The following FOXJ3 variants were observed in gnomAD, a reference collection of about 807,000 sequenced individuals.
FOXJ3 encodes the protein forkhead box J3, also known as forkhead box protein J3.
FOXJ3 carries 22 observed loss-of-function variants against 76.1 expected under a neutral mutation model. That is an observed-to-expected ratio of 0.29 (90% CI 0.21 to 0.41). The LOEUF (loss-of-function observed/expected upper bound fraction) is 0.41, where lower values mean the gene tolerates loss of function less well. Among genes scored for constraint, FOXJ3 ranks in the 10% least tolerant of loss-of-function variants. The pLI is 1.00. For synonymous variants in FOXJ3, 269 were observed against 261.2 expected, an observed-to-expected ratio of 1.03 and a Z score of -0.29; for missense variants, 613 against 762.1, an observed-to-expected ratio of 0.80 and a Z score of 2.30.
At position 42,176,928 on chromosome 1, in the gene FOXJ3, A is replaced by G. The variant is rs981493556; in HGVS notation, c.*2782T>C. On this transcript the variant is annotated 3_prime_UTR_variant, in exon 13 of 13. Transcript: ENST00000361346. ...GACATCTGAGCGACACGTATTTACA[A>G]GAACACACATGAATACATTTACATT... The G allele has an allele frequency of 3.9e-5, 6 of 152,694 alleles. No individual in the cohort carries two copies. The highest frequency in any genetic ancestry group is 7.3e-5 in the Non-Finnish European group (5 of 68,052). The allele number at this position is 152,694 out of a possible 1,614,324, so 9.5% of individuals were successfully genotyped here. A position where few individuals can be genotyped will look rare whatever the true frequency, so the allele number is the denominator to read the frequency against.
intron 5 of FOXJ3, among the ~76,000 whole-genome samples, chr1:42,222,112 T>TA (rs1382469563): frequency 8.7e-6 from 1 of 115,234 alleles, no homozygotes; most frequent in Non-Finnish European, 1.8e-5. Context: ...GAAGAAGAAA[T>TA]AAAAAGTTGA....
chr1:42,331,790 A>ACT (rs754731665), intron 1 of FOXJ3, among the ~76,000 whole-genome samples: 10 of 151,820 alleles, frequency 6.6e-5, no homozygotes, highest in Non-Finnish European at 1.2e-4. Flanking sequence ...AAATGTGTGA[A>ACT]TGAAATGGTA....
intron 6 of FOXJ3, among the ~76,000 whole-genome samples, chr1:42,204,837 T>C (rs980372119): frequency 2.0e-5 from 3 of 152,038 alleles, no homozygotes; most frequent in Admixed American, 1.3e-4. Context: ...GAAATCTGAA[T>C]ATGTCACTCT....
Position 42,316,333 on chromosome 1 carries a change from C to CTTTTTTTTT in FOXJ3, c.-17-5232_-17-5224dup, listed in dbSNP as rs71065173. ...ACAGGTGCACACCACTGCATTGGGC[C>CTTTTTTTTT]TTTTTTTTTTTTTTTTCTGTAGAAA... On this transcript the variant is annotated intron_variant, in intron 1 of 12. Coordinates refer to ENST00000361346, the MANE Select transcript of FOXJ3 (RefSeq NM_014947.5). Among the ~76,000 whole-genome samples the CTTTTTTTTT allele has an allele frequency of 2.4e-4, 18 of 73,908 alleles. 4 individuals carry two copies. The highest frequency in any genetic ancestry group is 9.7e-4 in the South Asian group (2 of 2,072). 48.5% of individuals were successfully genotyped at this position (73,908 alleles called of 152,430 possible). A position where few individuals can be genotyped will look rare whatever the true frequency, so the allele number is the denominator to read the frequency against.
At chr1:42,286,673 C>T (rs1168381288) in intron 2 of FOXJ3, among the ~76,000 whole-genome samples, 1 of 152,090 alleles carries the variant, frequency 6.6e-6, no homozygotes, top group African/African-American at 2.4e-5. Flanking sequence ...TCACTCCTGT[C>T]GCCCAGGCTG....
At chr1:42,195,316 A>G (rs1447812952) in intron 7 of FOXJ3, among the ~76,000 whole-genome samples, 2 of 152,238 alleles carry the variant, frequency 1.3e-5, no homozygotes, top group Non-Finnish European at 2.9e-5. Flanking sequence ...AAGAAGTTAG[A>G]TAACTTGCCT....
chr1:42,270,457 A>C (rs1431881347), intron 3 of FOXJ3, among the ~76,000 whole-genome samples: 1 of 152,200 alleles, frequency 6.6e-6, no homozygotes, highest in Non-Finnish European at 1.5e-5. Context: ...TTGGAAAAAA[A>C]ATACCTAACA....
chr1:42,322,941 T>C (rs1655517989), intron 1 of FOXJ3, among the ~76,000 whole-genome samples: 3 of 152,174 alleles, frequency 2.0e-5, no homozygotes, highest in African/African-American at 2.4e-5. Flanking sequence ...GTTTTTCGTT[T>C]TGTTTTAATA....
chr1:42,277,442 C>T (rs1652354681), intron 3 of FOXJ3, among the ~76,000 whole-genome samples: 1 of 151,546 alleles, frequency 6.6e-6, no homozygotes, highest in South Asian at 2.1e-4. Context: ...GCGGGCGGAT[C>T]ACAAGGTCAG....
chr1:42,282,471 A>G (rs1370630951), intron 2 of FOXJ3, among the ~76,000 whole-genome samples: 1 of 152,150 alleles, frequency 6.6e-6, no homozygotes, highest in Non-Finnish European at 1.5e-5. Context: ...CTAAATTCCT[A>G]GAGCAATTAC....
chr1:42,250,347 G>A (rs769051754), intron 4 of FOXJ3, among the ~76,000 whole-genome samples: 5 of 152,130 alleles, frequency 3.3e-5, no homozygotes, highest in South Asian at 4.1e-4. Flanking sequence ...TACAGATAAG[G>A]ATAATACGTC....
In FOXJ3 at chr1:42,210,437, T is replaced by C. The variant is rs575556986; in HGVS notation, c.529-4574A>G. 3.9e-5 allele frequency among the ~76,000 whole-genome samples: 6 copies of C among 152,224 alleles called. 1 individual carries two copies. Among genetic ancestry groups the C allele is most frequent in the African/African-American group, 1.2e-4 (5 of 41,534 alleles). Reference sequence around the variant, plus strand: ...AGCACAAATCCCACCACTACCACCATAGTTGGTGTTCTTTTGCAAGCATCA... The same window carrying C: ...AGCACAAATCCCACCACTACCACCACAGTTGGTGTTCTTTTGCAAGCATCA... On this transcript the variant is annotated intron_variant, in intron 5 of 12. Coordinates refer to ENST00000361346, the MANE Select transcript of FOXJ3 (RefSeq NM_014947.5).
chr1:42,301,115 T>G (rs1241886326), intron 2 of FOXJ3, among the ~76,000 whole-genome samples: 2 of 152,212 alleles, frequency 1.3e-5, no homozygotes, highest in Non-Finnish European at 2.9e-5. Flanking sequence ...TTTTCTACAC[T>G]TTTTACTTTT....
At position 42,215,501 on chromosome 1, in the gene FOXJ3, CTG is replaced by C. The variant is rs1294044144; in HGVS notation, c.529-9640_529-9639del. Among the ~76,000 whole-genome samples, 5 of 152,088 alleles carry C rather than the reference CTG, an allele frequency of 3.3e-5. No individual in the cohort carries two copies. The East Asian group carries it at 9.7e-4, about 29-fold the overall frequency. ...CAATCTCAAAAGGTCTAATGTATATCTGTGATTTCTGGAAGAATAAAGAGAGA... is the reference window on the plus strand; with the variant it reads ...CAATCTCAAAAGGTCTAATGTATATCTGATTTCTGGAAGAATAAAGAGAGA... On this transcript the variant is annotated intron_variant, in intron 5 of 12. Coordinates refer to ENST00000361346, the MANE Select transcript of FOXJ3 (RefSeq NM_014947.5).
At chr1:42,310,149 G>GTT (rs201552474) in intron 2 of FOXJ3, among the ~76,000 whole-genome samples, 15 of 140,254 alleles carry the variant, frequency 1.1e-4, no homozygotes, top group Admixed American at 2.9e-4. Context: ...GCAGGTTTAG[G>GTT]TTTTTTTTTT....
At chr1:42,181,862 T>C in intron 12 of FOXJ3, 55 bp downstream of exon 12, 6 of 1,087,784 alleles carry the variant, frequency 5.5e-6, no homozygotes, top group African/African-American at 1.6e-5. Context: ...GTTCCTGGAG[T>C]GCTCACACAC....
At chr1:42,295,372 A>G (rs1468116546) in intron 2 of FOXJ3, among the ~76,000 whole-genome samples, 3 of 152,192 alleles carry the variant, frequency 2.0e-5, no homozygotes, top group Non-Finnish European at 4.4e-5. Context: ...CATGTTGCTG[A>G]AAAGTACATG....
chr1:42,226,432 C>A (rs1002455916), intron 5 of FOXJ3, among the ~76,000 whole-genome samples: 1 of 152,090 alleles, frequency 6.6e-6, no homozygotes, highest in African/African-American at 2.4e-5. Context: ...GCCAACATGG[C>A]AAAACCCTGT....
At chr1:42,324,384 ATATAAATAC>A (rs1446683356) in intron 1 of FOXJ3, among the ~76,000 whole-genome samples, 1 of 147,436 alleles carries the variant, frequency 6.8e-6, no homozygotes, top group Non-Finnish European at 1.5e-5. Context: ...TATATATAAC[ATATAAATAC>A]TATATATACT....
Sources: gnomAD v4.1 joint callset for allele counts (sites outside exome capture counted in the v4.1 genomes callset) on GRCh38, gnomAD v4.1.1 for gene constraint, MANE v1.5 for transcripts, NCBI Gene and HGNC (gene_info 2026-07-23, HGNC 2026-07-21) for gene names.